Variants in ERC2 observed in about 807,000 individuals in gnomAD.
The protein encoded by ERC2 is ELKS/RAB6-interacting/CAST family member 2.
Under a neutral mutation model 114.8 loss-of-function variants are expected in ERC2, and 42 were observed. The ratio of observed to expected loss-of-function variants is 0.37; its 90% CI spans 0.29 to 0.47. The LOEUF (loss-of-function observed/expected upper bound fraction) is 0.47. Among genes scored for constraint, ERC2 ranks in the 20% least tolerant of loss-of-function variants. ERC2 has a pLI of 0.99. For missense variants in ERC2, 939 were observed against 1,150.7 expected, an observed-to-expected ratio of 0.82 and a Z score of 2.66; for synonymous variants, 454 against 425.5, an observed-to-expected ratio of 1.07 and a Z score of -0.82.
chr3:55,666,333 C>T (rs981604308), intron 17 of ERC2, among the ~76,000 whole-genome samples: 1 of 152,204 alleles, frequency 6.6e-6, no homozygotes, highest in Admixed American at 6.5e-5. Flanking sequence ...GCCATGCACA[C>T]CTTGACTGTT....
intron 3 of ERC2, among the ~76,000 whole-genome samples, chr3:56,244,561 T>G (rs1184264230): frequency 6.6e-6 from 1 of 152,096 alleles, no homozygotes; most frequent in Non-Finnish European, 1.5e-5. Flanking sequence ...ATCCTGATCA[T>G]GTGCAGGCCT....
intron 3 of ERC2, among the ~76,000 whole-genome samples, chr3:56,211,478 C>T (rs1412877014): frequency 1.3e-5 from 2 of 152,094 alleles, no homozygotes; most frequent in South Asian, 2.1e-4. Context: ...GGAAACATAT[C>T]CCATGCTCAT....
chr3:55,587,796 A>G (rs1178859929), intron 17 of ERC2, among the ~76,000 whole-genome samples: 12 of 152,166 alleles, frequency 7.9e-5, no homozygotes, highest in Admixed American at 7.9e-4. Context: ...TAAGCTATTC[A>G]CATGTACTAT....
intron 7 of ERC2, among the ~76,000 whole-genome samples, chr3:56,028,342 G>C (rs1283891850): frequency 6.6e-6 from 1 of 151,992 alleles, no homozygotes; most frequent in African/African-American, 2.4e-5. Flanking sequence ...AAAACCCTTT[G>C]GTGGGATTGT....
At chr3:55,857,974 A>T (rs1297910821) in intron 14 of ERC2, among the ~76,000 whole-genome samples, 1 of 152,208 alleles carries the variant, frequency 6.6e-6, no homozygotes, top group Admixed American at 6.5e-5. Context: ...ATGGTACATA[A>T]CCTCAAAAAA....
At chr3:56,037,326 A>C (rs544167338) in intron 7 of ERC2, among the ~76,000 whole-genome samples, 33 of 152,326 alleles carry the variant, frequency 2.2e-4, no homozygotes, top group South Asian at 1.7e-3. Flanking sequence ...AGGAGCTGTG[A>C]ATGAGAATAA....
intron 3 of ERC2, among the ~76,000 whole-genome samples, chr3:56,181,458 A>C (rs2083283919): frequency 6.6e-6 from 1 of 152,316 alleles, no homozygotes; most frequent in Admixed American, 6.5e-5. Context: ...GTGACAGAGA[A>C]CATATGGCCC....
At chr3:56,173,782 A>G in intron 3 of ERC2, 5 of 447,838 alleles carry the variant, frequency 1.1e-5, no homozygotes, top group South Asian at 1.1e-4. Context: ...GCAAGTAATC[A>G]TAGTCCAAAT....
intron 13 of ERC2, among the ~76,000 whole-genome samples, chr3:55,934,066 G>C (rs1426275253): frequency 6.6e-6 from 1 of 152,150 alleles, no homozygotes; most frequent in Non-Finnish European, 1.5e-5. Context: ...ATTTGAAAAT[G>C]GATATGCATA....
intron 17 of ERC2, among the ~76,000 whole-genome samples, chr3:55,605,585 C>A (rs1249870079): frequency 1.3e-5 from 2 of 152,136 alleles, no homozygotes; most frequent in East Asian, 3.9e-4. Context: ...CAAGATGAGA[C>A]ACTTCAGAGG....
chr3:56,067,444 T>G (rs1254021418), intron 7 of ERC2, among the ~76,000 whole-genome samples: 1 of 152,196 alleles, frequency 6.6e-6, no homozygotes, highest in East Asian at 1.9e-4. Flanking sequence ...TAAGGAGCTT[T>G]TGAGCTGAGA....
chr3:56,250,325 A>C (rs185944273), intron 3 of ERC2, among the ~76,000 whole-genome samples: 1 of 152,372 alleles, frequency 6.6e-6, no homozygotes, highest in East Asian at 1.9e-4. Flanking sequence ...AACATGAGGC[A>C]AGAGACAGGA....
intron 7 of ERC2, among the ~76,000 whole-genome samples, chr3:56,038,729 T>C (rs998288190): frequency 1.3e-5 from 2 of 152,190 alleles, no homozygotes; most frequent in African/African-American, 4.8e-5. Context: ...GTGATACATA[T>C]ACACCATGGA....
intron 7 of ERC2, among the ~76,000 whole-genome samples, chr3:56,052,509 A>G (rs2075820383): frequency 6.6e-6 from 1 of 152,230 alleles, no homozygotes; most frequent in African/African-American, 2.4e-5. Context: ...AATATTTGCA[A>G]TGGAGGCCAT....
intron 2 of ERC2, among the ~76,000 whole-genome samples, chr3:56,302,615 T>C (rs768110919): frequency 6.6e-6 from 1 of 152,210 alleles, no homozygotes; most frequent in Non-Finnish European, 1.5e-5. Flanking sequence ...AGGGGGTTCC[T>C]TCAAGCCAAA....
intron 3 of ERC2, among the ~76,000 whole-genome samples, chr3:56,290,308 C>T (rs1320994676): frequency 6.6e-6 from 1 of 152,114 alleles, no homozygotes; most frequent in South Asian, 2.1e-4. Context: ...ATTTTTCACT[C>T]ATTACAATAT....
chr3:55,890,209 T>C (rs1204211966), intron 13 of ERC2, among the ~76,000 whole-genome samples: 2 of 152,170 alleles, frequency 1.3e-5, no homozygotes, highest in East Asian at 1.9e-4. Context: ...CAAAGCAATA[T>C]GTGACGAAGT....
intron 2 of ERC2, among the ~76,000 whole-genome samples, chr3:56,322,340 T>C (rs1014299520): frequency 1.3e-5 from 2 of 152,198 alleles, no homozygotes; most frequent in Non-Finnish European, 2.9e-5. Flanking sequence ...CCAGATAACC[T>C]TTTGCAATAT....
At chr3:55,869,532 C>T (rs929051470) in intron 14 of ERC2, among the ~76,000 whole-genome samples, 2 of 152,118 alleles carry the variant, frequency 1.3e-5, no homozygotes, top group South Asian at 4.1e-4. Flanking sequence ...CCCTTCTTTA[C>T]CTCCCCAAAT....
Sources: allele counts gnomAD v4.1 joint callset (sites outside exome capture counted in the v4.1 genomes callset), GRCh38; gene constraint gnomAD v4.1.1; transcripts MANE v1.5; gene names NCBI Gene and HGNC (gene_info 2026-07-23, HGNC 2026-07-21).